Variants in DAP observed in about 807,000 individuals in gnomAD.
DAP encodes the protein death-associated protein 1.
Under a neutral mutation model 13.8 loss-of-function variants are expected in DAP, and 8 were observed. The observed-to-expected ratio is 0.58, with a 90% CI of 0.34 to 1.05. The LOEUF is 1.05. Among genes scored for constraint, DAP ranks in the 50% least tolerant of loss-of-function variants. The probability of loss-of-function intolerance (pLI) is 0.03; values close to 1 mark genes in which losing one functional copy is unlikely to be tolerated. For missense variants in DAP, 106 were observed against 133.2 expected (o/e 0.80, Z 1.01); for synonymous variants, 47 against 47.5 (o/e 0.99, Z 0.04).
chr5:10,686,047 TC>T (rs2126635278), intron 2 of DAP, among the ~76,000 whole-genome samples: 1 of 152,328 alleles, frequency 6.6e-6, no homozygotes, highest in Admixed American at 6.5e-5. Context: ...TCTATGGGTG[TC>T]CATCTTCATT....
At chr5:10,716,627 G>A (rs1426490829) in intron 2 of DAP, among the ~76,000 whole-genome samples, 3 of 152,188 alleles carry the variant, frequency 2.0e-5, no homozygotes, top group African/African-American at 4.8e-5. Context: ...CTCCCATGCT[G>A]GACGCTTCCT....
chr5:10,743,595 TC>T (rs1418957045), intron 2 of DAP, among the ~76,000 whole-genome samples: 1 of 152,238 alleles, frequency 6.6e-6, no homozygotes, highest in East Asian at 1.9e-4. Context: ...TGGCAGAATG[TC>T]AGCAAATGTT....
At chr5:10,684,730 G>T (rs575565239) in intron 2 of DAP, among the ~76,000 whole-genome samples, 1 of 152,156 alleles carries the variant, frequency 6.6e-6, no homozygotes, top group African/African-American at 2.4e-5. Context: ...TTATGGCTAC[G>T]TGTGCCATAA....
rs1740098579 is a variant in DAP at position 10,753,547 on chromosome 5, T to C, written c.56-5276A>G. 3.9e-5 allele frequency among the ~76,000 whole-genome samples: 6 copies of C among 152,318 alleles called. No homozygotes were observed. The South Asian group carries it at 1.2e-3, about 32-fold the overall frequency. On this transcript the variant is annotated intron_variant, in intron 1 of 3. Coordinates refer to ENST00000230895, the MANE Select transcript of DAP (RefSeq NM_004394.3). ...GGTAAGCAAACACCAAGGAGGCAAA[T>C]GACTATGTGGGACCCTGGGCCAAGC... is the stretch of plus-strand genomic sequence containing the variant.
chr5:10,752,265 T>C (rs189593774), intron 1 of DAP, among the ~76,000 whole-genome samples: 178 of 152,342 alleles, frequency 1.2e-3, no homozygotes, highest in Non-Finnish European at 2.0e-3. Context: ...TTATGTTTGG[T>C]GATTAATGTA....
rs534871808 is a variant in DAP, at chr5:10,725,677, A to T, written c.152+22498T>A. Among the ~76,000 whole-genome samples, 220 of 152,226 alleles carry T rather than the reference A, an allele frequency of 1.4e-3. 1 individual carries two copies. The highest frequency in any genetic ancestry group is 6.4e-3 in the Admixed American group (98 of 15,278). ...AGATGTCTCTCAACTTAAACATTTG[A>T]AGTAGGATTTTAGGCTTTCTTCTCA... On this transcript the variant is annotated intron_variant, in intron 2 of 3. Coordinates refer to ENST00000230895, the MANE Select transcript of DAP (RefSeq NM_004394.3).
chr5:10,753,435 T>C (rs267938), intron 1 of DAP, among the ~76,000 whole-genome samples: 73,742 of 151,832 alleles, frequency 0.49, 19,621 homozygotes, highest in Non-Finnish European at 0.6. Context: ...GGAAGGTGAG[T>C]TTGAAATGAA....
chr5:10,735,104 T>C (rs761811700), intron 2 of DAP, among the ~76,000 whole-genome samples: 28 of 152,286 alleles, frequency 1.8e-4, no homozygotes, highest in Admixed American at 4.6e-4. Flanking sequence ...CCCAAGTGCC[T>C]CAAACTGTGC....
rs2111396710 is a variant in DAP, at chr5:10,753,638, G to T, written c.56-5367C>A. On this transcript the variant is annotated intron_variant, in intron 1 of 3. Transcript: ENST00000230895. ...GTCACTGGTGGCTTGCTATCTGCTA[G>T]TGCCAAATAGCAAACTAGAAAATGC... Among the ~76,000 whole-genome samples the T allele has an allele frequency of 1.3e-5, 2 of 152,348 alleles. 1 individual carries two copies. Among genetic ancestry groups the T allele is most frequent in the South Asian group, 4.1e-4 (2 of 4,826 alleles).
rs534939732 is a variant in DAP at position 10,699,448 on chromosome 5, G to T, written c.153-15877C>A. Reference sequence around the variant, plus strand: ...ACTGAGGTGAAGACTGGTCCCAGAGGGCTCCCTAAATAGCAAGAGGCCAAC... The same window carrying T: ...ACTGAGGTGAAGACTGGTCCCAGAGTGCTCCCTAAATAGCAAGAGGCCAAC... On this transcript the variant is annotated intron_variant, in intron 2 of 3. Coordinates refer to ENST00000230895, the MANE Select transcript of DAP (RefSeq NM_004394.3). Among the ~76,000 whole-genome samples the T allele has an allele frequency of 4.6e-4, 70 of 152,292 alleles. 2 individuals carry two copies. The South Asian group carries it at 0.014, about 31-fold the overall frequency.
intron 2 of DAP, among the ~76,000 whole-genome samples, chr5:10,724,988 C>T (rs948819445): frequency 6.6e-6 from 1 of 152,188 alleles, no homozygotes; most frequent in Non-Finnish European, 1.5e-5. Flanking sequence ...CCTTCAGGCT[C>T]CCCTCTGACC....
At chr5:10,752,769 GAAGA>G (rs1213685568) in intron 1 of DAP, among the ~76,000 whole-genome samples, 1 of 152,180 alleles carries the variant, frequency 6.6e-6, no homozygotes, top group African/African-American at 2.4e-5. Flanking sequence ...TGCCACCTAT[GAAGA>G]AAGAGTGAAA....
intron 1 of DAP, 61 bp downstream of exon 1, chr5:10,760,953 C>T: frequency 9.2e-7 from 1 of 1,092,336 alleles, no homozygotes; most frequent in Non-Finnish European, 1.2e-6. Flanking sequence ...CCGCCCGGCG[C>T]CCCCGGGTTC....
intron 2 of DAP, among the ~76,000 whole-genome samples, chr5:10,739,026 C>T (rs563387984): frequency 6.6e-6 from 1 of 151,930 alleles, no homozygotes; most frequent in Admixed American, 6.6e-5. Context: ...CACGCTGAAA[C>T]TCTGTCACTA....
chr5:10,754,403 G>A (rs1265721014), intron 1 of DAP, among the ~76,000 whole-genome samples: 1 of 152,174 alleles, frequency 6.6e-6, no homozygotes, highest in Admixed American at 6.5e-5. Flanking sequence ...TTGCACTCTC[G>A]TTGGCTTCAT....
chr5:10,745,323 A>G (rs1246565383), intron 2 of DAP, among the ~76,000 whole-genome samples: 1 of 152,226 alleles, frequency 6.6e-6, no homozygotes, highest in Non-Finnish European at 1.5e-5. Context: ...TAAACAGCCA[A>G]GCCAAAGTCA....
rs1737932510 is a variant in DAP at position 10,679,723 on chromosome 5, T to C, written c.*1333A>G. 1 of 152,460 alleles carries C rather than the reference T, an allele frequency of 6.6e-6. No homozygotes were observed. The highest frequency in any genetic ancestry group is 2.4e-5 in the African/African-American group (1 of 41,474). The allele number at this position is 152,460 out of a possible 1,614,324, so 9.4% of individuals were successfully genotyped here. A position where few individuals can be genotyped will look rare whatever the true frequency, so the allele number is the denominator to read the frequency against. On this transcript the variant is annotated 3_prime_UTR_variant, in exon 4 of 4. Transcript: ENST00000230895. ...GTCTTTCAAGTGTGAGGCTGTGCCA[T>C]GCTCCCTCAGGGAGGAGGGGCGCTG...
intron 2 of DAP, among the ~76,000 whole-genome samples, chr5:10,714,783 C>T (rs759241242): frequency 2.0e-5 from 3 of 152,148 alleles, no homozygotes; most frequent in Non-Finnish European, 2.9e-5. Flanking sequence ...AGTGAGCTCT[C>T]GTGAGACCTG....
chr5:10,683,379 A>G, intron 3 of DAP, 150 bp downstream of exon 3: 1 of 833,394 alleles, frequency 1.2e-6, no homozygotes, highest in Non-Finnish European at 2.1e-6. Context: ...CTCTGGGGAA[A>G]CGCGGCAATG....
Sources: allele counts gnomAD v4.1 joint callset (sites outside exome capture counted in the v4.1 genomes callset), GRCh38; gene constraint gnomAD v4.1.1; transcripts MANE v1.5; gene names NCBI Gene and HGNC (gene_info 2026-07-23, HGNC 2026-07-21).